Variants in LARP4B observed in about 807,000 individuals in gnomAD.
The protein encoded by LARP4B is La ribonucleoprotein 4B.
A neutral mutation model predicts 89.8 loss-of-function variants in LARP4B; 12 were observed. The ratio of observed to expected loss-of-function variants is 0.13; its 90% CI spans 0.09 to 0.22. The LOEUF (loss-of-function observed/expected upper bound fraction) is 0.22, where lower values mean the gene tolerates loss of function less well. Ranked by LOEUF, LARP4B falls within the 10% of genes least tolerant of loss-of-function variation. LARP4B has a pLI of 1.00. For missense variants in LARP4B, 757 were observed against 947.7 expected (o/e 0.80, Z 2.64); for synonymous variants, 367 against 363.3 (o/e 1.01, Z -0.12).
At chr10:902,191 CTAGGAGAGCATTT>C (rs1259500645) in intron 1 of LARP4B, among the ~76,000 whole-genome samples, 3 of 152,106 alleles carry the variant, frequency 2.0e-5, no homozygotes, top group Non-Finnish European at 4.4e-5. Flanking sequence ...AACCCTCTGG[CTAGGAGAGCATTT>C]TACTCATTAA....
intron 3 of LARP4B, among the ~76,000 whole-genome samples, chr10:877,085 AG>A (rs1240941422): frequency 3.9e-5 from 6 of 152,112 alleles, no homozygotes; most frequent in Non-Finnish European, 1.5e-5. Context: ...AAGCCTGTGG[AG>A]GGCCCCCAGT....
At chr10:862,703 T>A (rs1317069002) in intron 5 of LARP4B, among the ~76,000 whole-genome samples, 1 of 151,686 alleles carries the variant, frequency 6.6e-6, no homozygotes, top group Non-Finnish European at 1.5e-5. Context: ...GAGCTTGCAG[T>A]GAGCCGATGT....
intron 3 of LARP4B, among the ~76,000 whole-genome samples, chr10:883,954 C>T (rs543389527): frequency 6.6e-6 from 1 of 152,248 alleles, no homozygotes; most frequent in East Asian, 1.9e-4. Flanking sequence ...AGTAGTAGCT[C>T]TCTGAAGCAC....
chr10:807,691 C>T (rs1831605306), downstream of LARP4B: 1 of 152,440 alleles, frequency 6.6e-6, no homozygotes. Context: ...CTAAGCCTCT[C>T]CGGCTGGCCT....
chr10:821,427 C>T (rs907948159), intron 13 of LARP4B, among the ~76,000 whole-genome samples: 6 of 152,168 alleles, frequency 3.9e-5, no homozygotes, highest in African/African-American at 1.4e-4. Context: ...TCTGGACCTC[C>T]CCATGCAGGC....
intron 1 of LARP4B, among the ~76,000 whole-genome samples, chr10:917,403 C>G (rs901454733): frequency 6.6e-6 from 1 of 152,098 alleles, no homozygotes; most frequent in Admixed American, 6.6e-5. Flanking sequence ...GTTTTAAGTT[C>G]AATAAAAACC....
Position 843,083 on chromosome 10 carries a change from C to CA in LARP4B, c.510-16dup. 6.2e-7 allele frequency: 1 copy of CA among 1,610,566 alleles called. No individual in the cohort carries two copies. Among genetic ancestry groups the CA allele is most frequent in the East Asian group, 2.2e-5 (1 of 44,858 alleles). ...CAAGGTTCTCCCTGTTGAAAGAAAA[C>CA]AATCTCTTTTAATCAGTATTTCTTT... On this transcript the variant is annotated splice_polypyrimidine_tract_variant and intron_variant, in intron 6 of 17. Transcript: ENST00000316157.
chr10:973,261 C>A, the LARP4B span, among the ~76,000 whole-genome samples: 5 of 152,128 alleles, frequency 3.3e-5, no homozygotes, highest in African/African-American at 1.2e-4. Context: ...GATAGCACAA[C>A]CTCTTCCTCA....
At chr10:988,254 C>A in the LARP4B span, 3 of 504,468 alleles carry the variant, frequency 5.9e-6, no homozygotes, top group African/African-American at 6.0e-5. Context: ...CGGGCGTCCT[C>A]TCCTCTGTAC....
chr10:821,934 T>C (rs1307257682), intron 13 of LARP4B, among the ~76,000 whole-genome samples: 1 of 152,046 alleles, frequency 6.6e-6, no homozygotes, highest in African/African-American at 2.4e-5. Flanking sequence ...GGGGCATGAG[T>C]CCTGACAACC....
In LARP4B at chr10:863,255, G is replaced by A. The variant is rs1588931000; in HGVS notation, c.430+488C>T. Among the ~76,000 whole-genome samples, 5 of 146,984 alleles carry A rather than the reference G, an allele frequency of 3.4e-5. No individual in the cohort carries two copies. In the South Asian group the frequency reaches 1.1e-3, roughly 31 times the overall value. ...TTTTTTTTTTTTGAGATGGAGTCTCGCTCTGTCGCCCAGGCTGGAGTGCAG... is the reference window on the plus strand; with the variant it reads ...TTTTTTTTTTTTGAGATGGAGTCTCACTCTGTCGCCCAGGCTGGAGTGCAG... On this transcript the variant is annotated intron_variant, in intron 5 of 17. Coordinates refer to ENST00000316157, the MANE Select transcript of LARP4B (RefSeq NM_015155.3).
chr10:854,756 T>C (rs1834219284), intron 5 of LARP4B, among the ~76,000 whole-genome samples: 1 of 152,210 alleles, frequency 6.6e-6, no homozygotes, highest in East Asian at 1.9e-4. Context: ...GAGCACTGGC[T>C]TCAAGTTAAC....
the LARP4B span, among the ~76,000 whole-genome samples, chr10:962,069 GA>G: frequency 3.3e-5 from 5 of 152,096 alleles, no homozygotes; most frequent in Non-Finnish European, 7.3e-5. Context: ...AAGGCCGGTG[GA>G]TCACCTGAGG....
intron 3 of LARP4B, among the ~76,000 whole-genome samples, chr10:877,035 A>C (rs947404): frequency 0.99 from 151,369 of 152,294 alleles, 75,233 homozygotes; most frequent in Middle Eastern, 1. Flanking sequence ...AGCAATGCAC[A>C]GGATGTGGGG....
intron 1 of LARP4B, among the ~76,000 whole-genome samples, chr10:906,553 TG>T (rs1403187139): frequency 6.6e-6 from 1 of 150,806 alleles, no homozygotes; most frequent in Non-Finnish European, 1.5e-5. Flanking sequence ...GGCCACGGTA[TG>T]TGTGCAAAGG....
chr10:930,494 C>G (rs1837266993), intron 1 of LARP4B, among the ~76,000 whole-genome samples: 1 of 152,208 alleles, frequency 6.6e-6, no homozygotes, highest in Non-Finnish European at 1.5e-5. Context: ...AGTTTCATCT[C>G]AGCCAAGTTT....
At chr10:833,609 G>A (rs1194792179) in intron 8 of LARP4B, among the ~76,000 whole-genome samples, 1 of 152,108 alleles carries the variant, frequency 6.6e-6, no homozygotes, top group Non-Finnish European at 1.5e-5. Flanking sequence ...GACAGAAATT[G>A]GGCCCGGTGC....
chr10:947,418 C>G, the LARP4B span, among the ~76,000 whole-genome samples: 1 of 152,046 alleles, frequency 6.6e-6, no homozygotes, highest in Admixed American at 6.6e-5. Context: ...GCCATCACAA[C>G]CCCGTCCCAG....
At chr10:957,779 C>T in the LARP4B span, among the ~76,000 whole-genome samples, 2 of 150,586 alleles carry the variant, frequency 1.3e-5, no homozygotes. Context: ...GTAATCTTAC[C>T]CTTTTCAATT....
Sources: allele counts gnomAD v4.1 joint callset (sites outside exome capture counted in the v4.1 genomes callset), GRCh38; gene constraint gnomAD v4.1.1; transcripts MANE v1.5; gene names NCBI Gene and HGNC (gene_info 2026-07-23, HGNC 2026-07-21).